The following SLIT3 variants were observed in gnomAD, a reference collection of about 807,000 sequenced individuals.
The protein encoded by SLIT3 is slit homolog 3 protein.
In SLIT3, 68 loss-of-function variants were observed where a neutral mutation model predicts 184.0. The ratio of observed to expected loss-of-function variants is 0.37; its 90% confidence interval spans 0.30 to 0.45. The LOEUF is 0.45. Among genes scored for constraint, SLIT3 ranks in the 20% least tolerant of loss-of-function variants. The probability of loss-of-function intolerance (pLI) is 1.00; values close to 1 mark genes in which losing one functional copy is unlikely to be tolerated. For missense variants in SLIT3, 1,707 were observed against 2,026.0 expected, an observed-to-expected ratio of 0.84 and a Z score of 3.02; for synonymous variants, 831 against 828.6, an observed-to-expected ratio of 1.00 and a Z score of -0.05.
chr5:168,698,996 AC>A (rs891443433), intron 27 of SLIT3, among the ~76,000 whole-genome samples: 8 of 151,990 alleles, frequency 5.3e-5, no homozygotes, highest in South Asian at 2.1e-4. Flanking sequence ...CCCTCATCTG[AC>A]CCCCCCAATC....
chr5:168,685,530 A>G (rs1462921202), intron 31 of SLIT3, among the ~76,000 whole-genome samples, 157 bp downstream of exon 31: 1 of 152,266 alleles, frequency 6.6e-6, no homozygotes, highest in Non-Finnish European at 1.5e-5. Flanking sequence ...AGTTATCTAT[A>G]GAACTCTCTG....
chr5:169,297,777 C>G (rs1561793078), intron 1 of SLIT3, among the ~76,000 whole-genome samples: 1 of 152,166 alleles, frequency 6.6e-6, no homozygotes, highest in Non-Finnish European at 1.5e-5. Flanking sequence ...GTTCTATATA[C>G]AGTTTCTGGA....
In SLIT3 at chr5:168,719,895, T is replaced by C. The variant is rs892878938; in HGVS notation, c.2483+2361A>G. On this transcript the variant is annotated intron_variant, in intron 23 of 35. Coordinates refer to ENST00000519560, the MANE Select transcript of SLIT3 (RefSeq NM_003062.4). The stretch of plus-strand genomic sequence containing the variant: ...AGATCTCATGATTCTAAAATGATGA[T>C]GCTAAAAGCCTATTAATTCTCTTTT... 7.9e-5 allele frequency: 12 copies of C among 152,216 alleles called. 1 individual carries two copies. The highest frequency in any genetic ancestry group is 4.6e-4 in the Admixed American group (7 of 15,272). The allele number at this position is 152,216 out of a possible 1,614,324, so 9.4% of individuals were successfully genotyped here. A position where few individuals can be genotyped will look rare whatever the true frequency, so the allele number is the denominator to read the frequency against.
At chr5:168,948,839 TG>T (rs1475460380) in intron 4 of SLIT3, among the ~76,000 whole-genome samples, 8 of 152,202 alleles carry the variant, frequency 5.3e-5, no homozygotes, top group African/African-American at 1.9e-4. Flanking sequence ...TCTGCTAAAG[TG>T]GGTTTGGAAA....
intron 4 of SLIT3, among the ~76,000 whole-genome samples, chr5:168,958,865 C>T (rs138274432): frequency 3.2e-4 from 49 of 152,366 alleles, no homozygotes; most frequent in African/African-American, 1.1e-3. Context: ...CTTGGATCTC[C>T]TTCCTATCCA....
intron 4 of SLIT3, among the ~76,000 whole-genome samples, chr5:169,086,615 T>C (rs2113184224): frequency 6.6e-6 from 1 of 152,340 alleles, no homozygotes; most frequent in South Asian, 2.1e-4. Context: ...AAAATCAAAC[T>C]GATGTCAGTA....
At chr5:169,186,601 G>A (rs1763346235) in intron 4 of SLIT3, among the ~76,000 whole-genome samples, 1 of 152,160 alleles carries the variant, frequency 6.6e-6, no homozygotes. Flanking sequence ...AGGTCTGTCT[G>A]GTTCCCAAGT....
At chr5:168,919,374 T>C (rs887776386) in intron 4 of SLIT3, among the ~76,000 whole-genome samples, 5 of 152,214 alleles carry the variant, frequency 3.3e-5, no homozygotes, top group African/African-American at 1.2e-4. Context: ...GCCCCATTAA[T>C]GTTACACTAA....
chr5:168,678,185 A>G (rs1182657480), intron 32 of SLIT3, among the ~76,000 whole-genome samples: 1 of 152,166 alleles, frequency 6.6e-6, no homozygotes, highest in African/African-American at 2.4e-5. Flanking sequence ...TCTTCCTGGC[A>G]ACTTTTAACC....
intron 27 of SLIT3, among the ~76,000 whole-genome samples, chr5:168,700,338 A>T (rs1338355640): frequency 6.6e-6 from 1 of 152,110 alleles, no homozygotes; most frequent in African/African-American, 2.4e-5. Context: ...TAGTGAATAA[A>T]TCTCACCAGA....
At chr5:169,009,973 A>G (rs1346370079) in intron 4 of SLIT3, among the ~76,000 whole-genome samples, 1 of 152,214 alleles carries the variant, frequency 6.6e-6, no homozygotes, top group East Asian at 1.9e-4. Context: ...AACTTGTAAA[A>G]CAGAAAGGAA....
At chr5:168,960,997 C>G (rs1001336879) in intron 4 of SLIT3, among the ~76,000 whole-genome samples, 1 of 152,176 alleles carries the variant, frequency 6.6e-6, no homozygotes, top group Non-Finnish European at 1.5e-5. Flanking sequence ...GTAATCTAAC[C>G]AGCCATTGAC....
rs1754807181 is a variant in SLIT3 at position 168,753,977 on chromosome 5, C to A, written c.1716G>T (p.Val572=). The A allele has an allele frequency of 6.2e-7, 1 of 1,604,492 alleles. No homozygotes were observed. Among genetic ancestry groups the A allele is most frequent in the Admixed American group, 1.7e-5 (1 of 59,074 alleles). Reference sequence around the variant, plus strand: ...CTGCTCCATCGAAAGCTCCCTCTCGCACCTCCTTGATCTTATTGTTACTCA... The same window carrying A: ...CTGCTCCATCGAAAGCTCCCTCTCGAACCTCCTTGATCTTATTGTTACTCA... ...INLSNNKIKE[V]REGAFDGAAS... is the part of the protein sequence containing the mutation. Residue 572 remains valine (V), a synonymous_variant, in exon 17 of 36, where the codon GTG becomes GTT. Transcript: ENST00000519560.
intron 4 of SLIT3, among the ~76,000 whole-genome samples, chr5:169,118,170 C>T (rs1427894787): frequency 6.6e-6 from 1 of 152,178 alleles, no homozygotes; most frequent in African/African-American, 2.4e-5. Context: ...AGAGTAAGAC[C>T]TTGTCTCTAA....
At chr5:169,010,262 G>C (rs1216711792) in intron 4 of SLIT3, among the ~76,000 whole-genome samples, 1 of 152,156 alleles carries the variant, frequency 6.6e-6, no homozygotes. Context: ...CCCTAACAAT[G>C]CCAGATGAAC....
At chr5:168,855,261 T>C (rs145239306) in intron 5 of SLIT3, among the ~76,000 whole-genome samples, 132 of 152,342 alleles carry the variant, frequency 8.7e-4, no homozygotes, top group Admixed American at 1.5e-3. Context: ...CACTCCTACA[T>C]AGCTGGAGGG....
At chr5:168,907,771 A>G (rs929626082) in intron 4 of SLIT3, among the ~76,000 whole-genome samples, 1 of 151,640 alleles carries the variant, frequency 6.6e-6, no homozygotes, top group African/African-American at 2.4e-5. Context: ...TCTTCTATGG[A>G]TAAATTATCT....
chr5:169,233,487 G>C (rs1765083766), intron 3 of SLIT3, among the ~76,000 whole-genome samples: 1 of 151,070 alleles, frequency 6.6e-6, no homozygotes, highest in African/African-American at 2.4e-5. Context: ...AGGAAGAATA[G>C]CTAACGTGTG....
intron 14 of SLIT3, among the ~76,000 whole-genome samples, chr5:168,770,668 A>T (rs552037960): frequency 6.9e-4 from 104 of 151,444 alleles, no homozygotes; most frequent in African/African-American, 1.8e-3. Flanking sequence ...TTTTTTTTTT[A>T]AAAAAGGTAT....
Sources: gnomAD v4.1 joint callset for allele counts (sites outside exome capture counted in the v4.1 genomes callset) on GRCh38, gnomAD v4.1.1 for gene constraint, MANE v1.5 for transcripts, NCBI Gene and HGNC (gene_info 2026-07-23, HGNC 2026-07-21) for gene names.